Variants in DNER observed in about 807,000 individuals in gnomAD.
DNER encodes delta and Notch-like epidermal growth factor-related receptor.
DNER carries 33 observed loss-of-function variants against 78.2 expected under a neutral mutation model. That is an observed-to-expected ratio of 0.42 (90% CI 0.32 to 0.56). The LOEUF (loss-of-function observed/expected upper bound fraction) is 0.56. Among genes scored for constraint, DNER ranks in the 20% least tolerant of loss-of-function variants. The probability of loss-of-function intolerance (pLI) is 0.11; values close to 1 mark genes in which losing one functional copy is unlikely to be tolerated. For synonymous variants in DNER, 417 were observed against 384.8 expected, an observed-to-expected ratio of 1.08 and a Z score of -0.98; for missense variants, 918 against 975.3, an observed-to-expected ratio of 0.94 and a Z score of 0.78.
chr2:229,483,352 G>A (rs1401753605), intron 6 of DNER, among the ~76,000 whole-genome samples: 1 of 152,194 alleles, frequency 6.6e-6, no homozygotes, highest in African/African-American at 2.4e-5. Context: ...ATGATATGAG[G>A]ACGTAGATCA....
intron 9 of DNER, among the ~76,000 whole-genome samples, chr2:229,412,234 C>T (rs771237359): frequency 8.5e-5 from 13 of 152,188 alleles, no homozygotes; most frequent in South Asian, 2.1e-4. Context: ...TGTCTGAAGA[C>T]GGGTTACACA....
chr2:229,429,356 T>G (rs1418923517), intron 8 of DNER, among the ~76,000 whole-genome samples: 2 of 152,178 alleles, frequency 1.3e-5, no homozygotes, highest in African/African-American at 4.8e-5. Flanking sequence ...TGTCACATCT[T>G]CCATTAAGGC....
At chr2:229,422,057 T>TGG (rs201515842) in intron 8 of DNER, among the ~76,000 whole-genome samples, 2 of 152,064 alleles carry the variant, frequency 1.3e-5, no homozygotes, top group African/African-American at 4.8e-5. Context: ...TTTTCTTCCT[T>TGG]GGGGGGGAAA....
At chr2:229,475,615 T>G (rs1167771498) in intron 7 of DNER, among the ~76,000 whole-genome samples, 2 of 152,202 alleles carry the variant, frequency 1.3e-5, no homozygotes, top group Non-Finnish European at 2.9e-5. Context: ...ATACGTAAAG[T>G]GCTCAGCAAA....
chr2:229,424,119 G>C (rs1431809501), intron 8 of DNER, among the ~76,000 whole-genome samples: 2 of 152,212 alleles, frequency 1.3e-5, no homozygotes, highest in Non-Finnish European at 2.9e-5. Context: ...TGGTGCTCCA[G>C]GACCTTCCAG....
At chr2:229,535,800 T>C (rs1696392208) in intron 5 of DNER, among the ~76,000 whole-genome samples, 1 of 152,038 alleles carries the variant, frequency 6.6e-6, no homozygotes, top group African/African-American at 2.4e-5. Flanking sequence ...TGCACCACCA[T>C]ATCCAGCTAA....
chr2:229,408,317 T>A (rs985054326), intron 9 of DNER, among the ~76,000 whole-genome samples: 2 of 152,120 alleles, frequency 1.3e-5, no homozygotes, highest in African/African-American at 4.8e-5. Context: ...TTAAAAACTT[T>A]AAAAATCTAA....
chr2:229,471,856 C>T (rs1419687552), intron 7 of DNER, among the ~76,000 whole-genome samples: 2 of 152,152 alleles, frequency 1.3e-5, no homozygotes, highest in Non-Finnish European at 2.9e-5. Flanking sequence ...AGAGGTAGGT[C>T]CGGATTTCAA....
At chr2:229,653,017 T>C (rs1410639006) in intron 1 of DNER, among the ~76,000 whole-genome samples, 1 of 152,180 alleles carries the variant, frequency 6.6e-6, no homozygotes, top group Non-Finnish European at 1.5e-5. Context: ...CTCTGAGCTA[T>C]GGACTCTGAT....
intron 7 of DNER, among the ~76,000 whole-genome samples, chr2:229,467,620 G>GT (rs1205532756): frequency 6.6e-6 from 1 of 152,136 alleles, no homozygotes; most frequent in African/African-American, 2.4e-5. Context: ...TTCCCCCATT[G>GT]TTGTGGTCTA....
At chr2:229,392,906 A>C (rs550371649) in intron 10 of DNER, among the ~76,000 whole-genome samples, 3 of 152,178 alleles carry the variant, frequency 2.0e-5, no homozygotes, top group Admixed American at 6.5e-5. Flanking sequence ...CATTCAAACA[A>C]AAATTATTAG....
At chr2:229,439,749 C>G (rs988474804) in intron 8 of DNER, among the ~76,000 whole-genome samples, 3 of 152,202 alleles carry the variant, frequency 2.0e-5, no homozygotes, top group Non-Finnish European at 2.9e-5. Context: ...TGAGAATGTT[C>G]TGATACTGTG....
intron 6 of DNER, among the ~76,000 whole-genome samples, chr2:229,505,370 G>A (rs1460980007): frequency 6.6e-6 from 1 of 152,192 alleles, no homozygotes; most frequent in African/African-American, 2.4e-5. Context: ...GATGAGCAAA[G>A]AGGGAGTTAT....
intron 7 of DNER, among the ~76,000 whole-genome samples, chr2:229,470,785 G>A (rs1481636229): frequency 6.6e-6 from 1 of 152,160 alleles, no homozygotes; most frequent in Non-Finnish European, 1.5e-5. Context: ...GGGAAGCGGA[G>A]GTTACAGTGA....
chr2:229,563,699 A>C (rs1482387188), intron 4 of DNER, among the ~76,000 whole-genome samples: 1 of 137,102 alleles, frequency 7.3e-6, no homozygotes, highest in Non-Finnish European at 1.5e-5. Flanking sequence ...CACCGTCATC[A>C]TCATCCTCCT....
intron 3 of DNER, 110 bp from the exon 4 acceptor site, chr2:229,586,134 T>C: frequency 7.6e-7 from 1 of 1,310,114 alleles, no homozygotes; most frequent in Non-Finnish European, 1.0e-6. Context: ...TCTACCAAGG[T>C]ACCAGGAGAT....
chr2:229,714,367 C>T lies in DNER; in HGVS notation c.57G>A (p.Leu19=). 1.6e-6 allele frequency: 2 copies of T among 1,224,606 alleles called. No homozygotes were observed. Among genetic ancestry groups the T allele is most frequent in the Non-Finnish European group, 1.0e-6 (1 of 985,924 alleles). The allele number at this position is 1,224,606 out of a possible 1,614,324, so 75.9% of individuals were successfully genotyped here. The stretch of plus-strand genomic sequence containing the variant: ...GCCCCGCTCCGAGCAGCAGCAGCAG[C>T]AGGGCCAGCGCGGGCAGCAGCTGCG... ...PGAQLLPALA[L]LLLLLGAGPR... The change falls in exon 1 of 13, where the codon CTG becomes CTA. Residue 19 remains leucine (L), a synonymous_variant. Transcript: ENST00000341772.
At chr2:229,491,212 T>C (rs1695391632) in intron 6 of DNER, among the ~76,000 whole-genome samples, 1 of 152,240 alleles carries the variant, frequency 6.6e-6, no homozygotes, top group African/African-American at 2.4e-5. Context: ...CCTTTGCACA[T>C]TATCTTGGTC....
intron 1 of DNER, among the ~76,000 whole-genome samples, chr2:229,619,123 G>A (rs1345136130): frequency 6.6e-6 from 1 of 151,718 alleles, no homozygotes; most frequent in Non-Finnish European, 1.5e-5. Context: ...GGGGGACAAA[G>A]TGAAACCCTG....
Sources: allele counts gnomAD v4.1 joint callset (sites outside exome capture counted in the v4.1 genomes callset), GRCh38; gene constraint gnomAD v4.1.1; transcripts MANE v1.5; gene names NCBI Gene and HGNC (gene_info 2026-07-23, HGNC 2026-07-21).